The following FRMD5 variants were observed in gnomAD, a reference collection of about 807,000 sequenced individuals.
The protein encoded by FRMD5 is FERM domain-containing protein 5.
A neutral mutation model predicts 69.0 loss-of-function variants in FRMD5; 20 were observed. The ratio of observed to expected loss-of-function variants is 0.29; its 90% CI spans 0.20 to 0.42. The LOEUF (loss-of-function observed/expected upper bound fraction) is 0.42. FRMD5 is among the 10% of genes least tolerant of loss of function. The probability of loss-of-function intolerance (pLI) is 1.00; values close to 1 mark genes in which losing one functional copy is unlikely to be tolerated. For synonymous variants in FRMD5, 271 were observed against 260.1 expected (o/e 1.04, Z -0.40); for missense variants, 595 against 708.6 (o/e 0.84, Z 1.82).
chr15:44,175,990 G>A (rs936877681), intron 1 of FRMD5, among the ~76,000 whole-genome samples: 2 of 152,094 alleles, frequency 1.3e-5, no homozygotes, highest in East Asian at 1.9e-4. Flanking sequence ...AATACACTTC[G>A]TATCAAAATT....
At chr15:44,111,932 C>T (rs1218776047) in intron 1 of FRMD5, among the ~76,000 whole-genome samples, 2 of 152,078 alleles carry the variant, frequency 1.3e-5, no homozygotes, top group Non-Finnish European at 2.9e-5. Flanking sequence ...CAACCTCCGC[C>T]TCCCGGGTTC....
At chr15:44,064,013 C>A in intron 1 of FRMD5, 1 of 222,120 alleles carries the variant, frequency 4.5e-6, no homozygotes, top group South Asian at 7.1e-5. Flanking sequence ...CATGACAATT[C>A]TGGCATCATG....
chr15:44,123,452 A>G (rs1367038237), intron 1 of FRMD5, among the ~76,000 whole-genome samples: 1 of 152,350 alleles, frequency 6.6e-6, no homozygotes, highest in East Asian at 1.9e-4. Context: ...CTGGAAATCA[A>G]TAGCAACTCA....
At chr15:43,991,949 C>T (rs1889703149) in intron 1 of FRMD5, among the ~76,000 whole-genome samples, 1 of 152,078 alleles carries the variant, frequency 6.6e-6, no homozygotes, top group African/African-American at 2.4e-5. Flanking sequence ...AAATCCAAAC[C>T]CTGAATGCTG....
intron 1 of FRMD5, among the ~76,000 whole-genome samples, chr15:43,929,338 G>A (rs2089636870): frequency 6.6e-6 from 1 of 152,176 alleles, no homozygotes; most frequent in African/African-American, 2.4e-5. Flanking sequence ...CATCATGGAT[G>A]AGGTTAATCC....
intron 6 of FRMD5, among the ~76,000 whole-genome samples, chr15:43,902,821 C>A (rs1378178959): frequency 6.6e-6 from 1 of 152,114 alleles, no homozygotes; most frequent in African/African-American, 2.4e-5. Context: ...CATCTGTAGG[C>A]TGGAAGCAGG....
chr15:43,926,424 G>A (rs543817815), intron 1 of FRMD5, among the ~76,000 whole-genome samples: 1 of 152,326 alleles, frequency 6.6e-6, no homozygotes, highest in South Asian at 2.1e-4. Context: ...GAGGTTGTAA[G>A]ATAAGATCCA....
intron 1 of FRMD5, among the ~76,000 whole-genome samples, chr15:43,961,234 C>T (rs1193414758): frequency 6.6e-6 from 1 of 152,188 alleles, no homozygotes; most frequent in Non-Finnish European, 1.5e-5. Flanking sequence ...CACCACCGAT[C>T]TCACAGAAAT....
rs866075762 is a variant in FRMD5, at chr15:43,999,919, G to A, written c.103-75610C>T. Among the ~76,000 whole-genome samples, 53 of 4,570 alleles carry A rather than the reference G, an allele frequency of 0.012. 1 individual carries two copies. The East Asian group carries it at 0.18, about 16-fold the overall frequency. 3.0% of individuals were successfully genotyped at this position (4,570 alleles called of 152,430 possible). ...TATACCATTTTATATTTGTGTGTGT[G>A]TATGTATATATATATATATATATAT... On this transcript the variant is annotated intron_variant, in intron 1 of 13. Coordinates refer to ENST00000417257, the MANE Select transcript of FRMD5 (RefSeq NM_032892.5).
At chr15:44,047,075 G>A (rs946405739) in intron 1 of FRMD5, among the ~76,000 whole-genome samples, 2 of 152,216 alleles carry the variant, frequency 1.3e-5, no homozygotes, top group Admixed American at 1.3e-4. Context: ...AGGAGGCTGA[G>A]GCGGGCGGAT....
intron 1 of FRMD5, among the ~76,000 whole-genome samples, chr15:43,951,526 G>C (rs1329512900): frequency 1.3e-5 from 2 of 151,938 alleles, no homozygotes; most frequent in Non-Finnish European, 2.9e-5. Context: ...ATTTTATAAA[G>C]AAAATAATTC....
chr15:43,984,035 T>C lies in FRMD5; in HGVS notation c.103-59726A>G, dbSNP rs143078877. On this transcript the variant is annotated intron_variant, in intron 1 of 13. Coordinates refer to ENST00000417257, the MANE Select transcript of FRMD5 (RefSeq NM_032892.5). ...AGGTGAACTCAGGGAGATTAGGAAG[T>C]AGCAAAATTCTGTTTTTGTTTTTCT... is the stretch of plus-strand genomic sequence containing the variant. Among the ~76,000 whole-genome samples, 7 of 152,346 alleles carry C rather than the reference T, an allele frequency of 4.6e-5. No homozygotes were observed. In the East Asian group the frequency reaches 1.4e-3, roughly 29 times the overall value.
chr15:44,053,493 G>C (rs1384538775), intron 1 of FRMD5, among the ~76,000 whole-genome samples: 2 of 152,178 alleles, frequency 1.3e-5, no homozygotes, highest in Non-Finnish European at 2.9e-5. Flanking sequence ...GATGATGCTA[G>C]AGAGCTTGGA....
chr15:43,943,475 G>A (rs571085185), intron 1 of FRMD5, among the ~76,000 whole-genome samples: 1 of 152,218 alleles, frequency 6.6e-6, no homozygotes, highest in Non-Finnish European at 1.5e-5. Context: ...GTACTGGGTA[G>A]AATAGTGTCC....
At chr15:43,944,955 A>C (rs875990) in intron 1 of FRMD5, among the ~76,000 whole-genome samples, 2 of 138,952 alleles carry the variant, frequency 1.4e-5, no homozygotes. Context: ...TTATTTATTT[A>C]TTTTTTTTTT....
intron 1 of FRMD5, among the ~76,000 whole-genome samples, chr15:43,995,800 G>A (rs1889892087): frequency 6.6e-6 from 1 of 152,086 alleles, no homozygotes; most frequent in Non-Finnish European, 1.5e-5. Flanking sequence ...AGGTTTTTGA[G>A]GGCTAATGTA....
upstream of FRMD5, among the ~76,000 whole-genome samples, chr15:44,199,304 G>A (rs2078327121): frequency 6.6e-6 from 1 of 152,164 alleles, no homozygotes; most frequent in African/African-American, 2.4e-5. Context: ...AAGCCTCATG[G>A]ACTATGGATT....
chr15:44,059,811 A>G (rs1893018715), intron 1 of FRMD5, among the ~76,000 whole-genome samples: 2 of 152,112 alleles, frequency 1.3e-5, no homozygotes, highest in Admixed American at 6.5e-5. Context: ...CACTGCACCC[A>G]GCTAGGGTCA....
rs559586003 is a variant in FRMD5 at position 44,143,777 on chromosome 15, T to C, written c.102+51176A>G. Among the ~76,000 whole-genome samples, 19 of 151,294 alleles carry C rather than the reference T, an allele frequency of 1.3e-4. No homozygotes were observed. The East Asian group carries it at 3.7e-3, about 29-fold the overall frequency. ...CGTCTCCACTAAAAATACAAAAAAT[T>C]GGCCGGGCGTGGCGGCACGCACCTG... On this transcript the variant is annotated intron_variant, in intron 1 of 13. Coordinates refer to ENST00000417257, the MANE Select transcript of FRMD5 (RefSeq NM_032892.5).
Sources: gnomAD v4.1 joint callset for allele counts (sites outside exome capture counted in the v4.1 genomes callset) on GRCh38, gnomAD v4.1.1 for gene constraint, MANE v1.5 for transcripts, NCBI Gene and HGNC (gene_info 2026-07-23, HGNC 2026-07-21) for gene names.